TRPM1: variants seen among roughly 807,000 people sequenced by gnomAD.
TRPM1 encodes TRPM1-203 APA Isoform, Intron 10.
In TRPM1, 113 loss-of-function variants were observed where a neutral mutation model predicts 149.4. The observed-to-expected ratio is 0.76, with a 90% confidence interval of 0.65 to 0.88. TRPM1 has a LOEUF of 0.88. Ranked by LOEUF, TRPM1 falls within the 40% of genes least tolerant of loss-of-function variation. The probability of loss-of-function intolerance (pLI) is 0.00; values close to 1 mark genes in which losing one functional copy is unlikely to be tolerated. For synonymous variants in TRPM1, 741 were observed against 759.5 expected (o/e 0.98, Z 0.40); for missense variants, 1,976 against 2,038.7 (o/e 0.97, Z 0.59).
At chr15:31,129,465 C>T (rs559593235) in intron 1 of TRPM1, among the ~76,000 whole-genome samples, 6 of 152,288 alleles carry the variant, frequency 3.9e-5, no homozygotes, top group Admixed American at 6.5e-5. Flanking sequence ...CTCTCTGCTG[C>T]CCCCACCTGG....
At chr15:31,057,929 G>GT (rs1475784518) in intron 11 of TRPM1, among the ~76,000 whole-genome samples, 2 of 152,214 alleles carry the variant, frequency 1.3e-5, no homozygotes, top group Non-Finnish European at 2.9e-5. Context: ...GGGCTGCCGT[G>GT]TAAGATGTGC....
intron 1 of TRPM1, among the ~76,000 whole-genome samples, chr15:31,088,764 C>G (rs940751768): frequency 1.3e-5 from 2 of 150,686 alleles, no homozygotes; most frequent in African/African-American, 4.9e-5. Flanking sequence ...TGGGAACGTT[C>G]CCAACCATGG....
In TRPM1 at chr15:31,058,397, T is replaced by A. The variant is rs188740768; in HGVS notation, c.1263+2147A>T. 5.3e-5 allele frequency among the ~76,000 whole-genome samples: 8 copies of A among 152,366 alleles called. No individual in the cohort carries two copies. The East Asian group carries it at 1.3e-3, about 26-fold the overall frequency. On this transcript the variant is annotated intron_variant, in intron 11 of 27. Transcript: ENST00000256552. ...CATATTTTCCTTTGTGTGAGCCAGA[T>A]AAATGACCCAGGACTACCTTCCCTT...
At position 31,001,755 on chromosome 15, in the gene TRPM1, G is replaced by A; in HGVS notation, c.*67C>T. 1 of 1,529,610 alleles carries A rather than the reference G, an allele frequency of 6.5e-7. No individual in the cohort carries two copies. The allele number at this position is 1,529,610 out of a possible 1,614,324, so 94.8% of individuals were successfully genotyped here. ...TGTTTTTAGAAATTGATGATGTTTA[G>A]ATGGCCAAGATGACACCCATTAGTG... On this transcript the variant is annotated 3_prime_UTR_variant, in exon 28 of 28. Transcript: ENST00000256552.
chr15:31,013,503 T>TA (rs2032257239), intron 27 of TRPM1, among the ~76,000 whole-genome samples: 1 of 152,184 alleles, frequency 6.6e-6, no homozygotes, highest in Admixed American at 6.5e-5. Flanking sequence ...ATAGTTGAGT[T>TA]AAACTCTTTG....
chr15:31,036,264 G>A (rs1420330814), intron 20 of TRPM1, among the ~76,000 whole-genome samples: 1 of 152,086 alleles, frequency 6.6e-6, no homozygotes, highest in Admixed American at 6.5e-5. Flanking sequence ...GCAAAAGCGG[G>A]GAGTTAAGGG....
At chr15:31,082,405 A>T (rs1382626902) in intron 1 of TRPM1, among the ~76,000 whole-genome samples, 2 of 152,178 alleles carry the variant, frequency 1.3e-5, no homozygotes, top group African/African-American at 2.4e-5. Context: ...TGGCACTGCC[A>T]CCACGCCCCC....
At chr15:31,021,450 C>T (rs1444096288) in intron 27 of TRPM1, among the ~76,000 whole-genome samples, 1 of 152,196 alleles carries the variant, frequency 6.6e-6, no homozygotes, top group Non-Finnish European at 1.5e-5. Flanking sequence ...AATCCCAGCA[C>T]TTTGGGAGGC....
At chr15:31,032,488 A>G (rs2033136537) in intron 22 of TRPM1, among the ~76,000 whole-genome samples, 1 of 148,148 alleles carries the variant, frequency 6.8e-6, no homozygotes, top group Admixed American at 6.6e-5. Flanking sequence ...TAGGCCCTCA[A>G]CTCATGTTTT....
intron 1 of TRPM1, among the ~76,000 whole-genome samples, chr15:31,110,495 G>A (rs1409496195): frequency 6.6e-6 from 1 of 152,160 alleles, no homozygotes; most frequent in Admixed American, 6.5e-5. Context: ...TATTTGGAAC[G>A]TGGGTCTTGG....
chr15:31,157,765 G>A (rs1301412125), intron 1 of TRPM1, among the ~76,000 whole-genome samples: 3 of 152,184 alleles, frequency 2.0e-5, no homozygotes, highest in Non-Finnish European at 4.4e-5. Flanking sequence ...CAAGGGAAGA[G>A]CTTCAGAGCT....
intron 3 of TRPM1, among the ~76,000 whole-genome samples, chr15:31,071,592 ACTCC>A (rs1388191590): frequency 7.3e-6 from 1 of 137,912 alleles, no homozygotes; most frequent in Non-Finnish European, 1.6e-5. Context: ...TCCCTCCCTC[ACTCC>A]CTCCCTCTTT....
At position 31,134,101 on chromosome 15, in the gene TRPM1, G is replaced by A. The variant is rs140837308; in HGVS notation, c.54+26805C>T. The stretch of plus-strand genomic sequence containing the variant: ...GCCGCCGGAGGCCCGTGTGGCTGGA[G>A]TGTTGAGAAGGAAGGGGAATGGGAC... On this transcript the variant is annotated intron_variant, in intron 1 of 26. Coordinates refer to the TRPM1 transcript ENST00000542188. 4.1e-3 allele frequency among the ~76,000 whole-genome samples: 632 copies of A among 152,348 alleles called. 3 individuals carry two copies. The highest frequency in any genetic ancestry group is 0.014 in the African/African-American group (597 of 41,580).
chr15:31,045,430 A>AT (rs1054184982), intron 16 of TRPM1, among the ~76,000 whole-genome samples: 3 of 151,962 alleles, frequency 2.0e-5, no homozygotes, highest in African/African-American at 7.3e-5. Context: ...CTCCCCCCAA[A>AT]TTTTTTTGCT....
At chr15:31,055,319 GA>G (rs1450982264) in intron 11 of TRPM1, among the ~76,000 whole-genome samples, 3 of 152,122 alleles carry the variant, frequency 2.0e-5, no homozygotes, top group African/African-American at 7.2e-5. Context: ...GTATGAAAAA[GA>G]AAAATCTATT....
intron 24 of TRPM1, 76 bp downstream of exon 24, chr15:31,029,295 C>G (rs780617327): frequency 1.4e-6 from 2 of 1,448,712 alleles, no homozygotes; most frequent in East Asian, 4.6e-5. Context: ...TTTAAGACTA[C>G]TAGTAATCAG....
chr15:31,111,250 T>C (rs562231374), intron 1 of TRPM1, among the ~76,000 whole-genome samples: 2 of 152,304 alleles, frequency 1.3e-5, no homozygotes, highest in East Asian at 3.9e-4. Context: ...AACATCTCAT[T>C]AATCCGCAAC....
intron 1 of TRPM1, among the ~76,000 whole-genome samples, chr15:31,151,494 G>A (rs374878162): frequency 6.6e-6 from 1 of 152,224 alleles, no homozygotes; most frequent in Non-Finnish European, 1.5e-5. Flanking sequence ...GGGCCACACA[G>A]CTCCTTGGCA....
At chr15:31,053,575 T>C (rs1596021466) in intron 11 of TRPM1, among the ~76,000 whole-genome samples, 3 of 152,318 alleles carry the variant, frequency 2.0e-5, no homozygotes, top group Admixed American at 2.0e-4. Flanking sequence ...AAGATGGCTA[T>C]TATCTAAACA....
Sources: allele counts gnomAD v4.1 joint callset (sites outside exome capture counted in the v4.1 genomes callset), GRCh38; gene constraint gnomAD v4.1.1; transcripts MANE v1.5; gene names NCBI Gene and HGNC (gene_info 2026-07-23, HGNC 2026-07-21).